MALRD1: variants seen among roughly 807,000 people sequenced by gnomAD.
The protein encoded by MALRD1 is MAM and LDL receptor class A domain containing 1, also known as MAM and LDL-receptor class A domain-containing protein 1.
MALRD1 carries 247 observed loss-of-function variants against 242.1 expected under a neutral mutation model. The ratio of observed to expected loss-of-function variants is 1.02; its 90% CI spans 0.92 to 1.13. MALRD1 has a LOEUF of 1.13. Ranked by LOEUF, MALRD1 falls within the 50% of genes most tolerant of loss-of-function variation. The pLI, the probability that MALRD1 is intolerant of heterozygous loss-of-function variation, is 0.00. For synonymous variants in MALRD1, 995 were observed against 866.6 expected, an observed-to-expected ratio of 1.15 and a Z score of -2.60; for missense variants, 2,989 against 2,533.1, an observed-to-expected ratio of 1.18 and a Z score of -3.86.
chr10:19,137,960 AG>A (rs1480831343), intron 10 of MALRD1, among the ~76,000 whole-genome samples: 5 of 152,194 alleles, frequency 3.3e-5, no homozygotes, highest in Non-Finnish European at 1.5e-5. Context: ...TATTTTAGTG[AG>A]ATATTTTGTT....
At chr10:19,372,782 T>C (rs1038660862) in intron 26 of MALRD1, among the ~76,000 whole-genome samples, 4 of 152,160 alleles carry the variant, frequency 2.6e-5, no homozygotes, top group Non-Finnish European at 5.9e-5. Context: ...TTCAATTTTT[T>C]AAACTCCATT....
chr10:19,498,993 A>G (rs538882103), intron 31 of MALRD1, among the ~76,000 whole-genome samples: 1 of 152,190 alleles, frequency 6.6e-6, no homozygotes, highest in Non-Finnish European at 1.5e-5. Context: ...TGGCAATGCT[A>G]AAAGTTATCC....
intron 21 of MALRD1, among the ~76,000 whole-genome samples, chr10:19,289,086 T>C (rs1371650453): frequency 1.3e-5 from 2 of 152,164 alleles, no homozygotes; most frequent in Non-Finnish European, 2.9e-5. Context: ...TTAATTTTTT[T>C]CCTTGGGCTG....
At chr10:19,078,806 T>C (rs556110847) in intron 2 of MALRD1, among the ~76,000 whole-genome samples, 1 of 151,938 alleles carries the variant, frequency 6.6e-6, no homozygotes, top group African/African-American at 2.4e-5. Context: ...TAGTATGAAA[T>C]TATTCATAGT....
At chr10:19,186,076 G>A (rs977568612) in intron 14 of MALRD1, among the ~76,000 whole-genome samples, 1 of 151,884 alleles carries the variant, frequency 6.6e-6, no homozygotes, top group South Asian at 2.1e-4. Context: ...TGAATACAAG[G>A]AAAAAAAGTC....
rs1030274228 is a variant in MALRD1 at position 19,491,588 on chromosome 10, C to T, written c.5101C>T (p.His1701Tyr). 3.2e-6 allele frequency: 5 copies of T among 1,550,056 alleles called. No individual in the cohort carries two copies. Among genetic ancestry groups the T allele is most frequent in the Non-Finnish European group, 4.4e-6 (5 of 1,146,820 alleles). The change falls in exon 30 of 40, where the codon CAC becomes TAC. Residue 1701 changes from histidine to tyrosine, a missense_variant. His to Tyr is a moderately conservative substitution (Grantham distance 83, BLOSUM62 2). Coordinates refer to ENST00000454679, the MANE Select transcript of MALRD1 (RefSeq NM_001142308.3). Reference protein sequence around the residue: ...LCRDKKCIASHLLCDYKPDCS... With the variant: ...LCRDKKCIASYLLCDYKPDCS... ...CCGGGACAAGAAGTGCATTGCATCC[C>T]ACCTTCTTTGTGACTATAAGCCAGA...
At chr10:19,354,777 A>T (rs966086708) in intron 26 of MALRD1, among the ~76,000 whole-genome samples, 1 of 152,220 alleles carries the variant, frequency 6.6e-6, no homozygotes, top group South Asian at 2.1e-4. Context: ...TAAAAAAATG[A>T]TAAATGTTTG....
chr10:19,096,285 G>A (rs77023505), intron 4 of MALRD1, among the ~76,000 whole-genome samples: 9,498 of 152,234 alleles, frequency 0.062, 382 homozygotes, highest in Non-Finnish European at 0.095. Flanking sequence ...TCCAGAATAT[G>A]TAATATCCAG....
intron 28 of MALRD1, among the ~76,000 whole-genome samples, chr10:19,409,814 T>C (rs1833197635): frequency 6.6e-6 from 1 of 152,200 alleles, no homozygotes; most frequent in African/African-American, 2.4e-5. Context: ...TAGTTTCATT[T>C]AGCTTTTATA....
At chr10:19,136,358 C>G (rs1413700701) in intron 9 of MALRD1, among the ~76,000 whole-genome samples, 2 of 147,678 alleles carry the variant, frequency 1.4e-5, no homozygotes, top group Admixed American at 1.3e-4. Flanking sequence ...TTTTTTAATA[C>G]TTTAAGTTTT....
chr10:19,667,101 C>T (rs1051492647), intron 36 of MALRD1, among the ~76,000 whole-genome samples: 1 of 152,076 alleles, frequency 6.6e-6, no homozygotes, highest in African/African-American at 2.4e-5. Context: ...CCCCAGAAGG[C>T]CCCACCCCCA....
intron 36 of MALRD1, among the ~76,000 whole-genome samples, chr10:19,642,773 A>C (rs1840451414): frequency 6.6e-6 from 1 of 152,156 alleles, no homozygotes; most frequent in Non-Finnish European, 1.5e-5. Flanking sequence ...GAGAGCCTAG[A>C]GGGAAAGAGT....
At chr10:19,661,265 T>C (rs995111592) in intron 36 of MALRD1, among the ~76,000 whole-genome samples, 3 of 152,218 alleles carry the variant, frequency 2.0e-5, no homozygotes, top group East Asian at 1.9e-4. Context: ...TACCATTTGT[T>C]CCAGCCATCC....
Position 19,232,712 on chromosome 10 carries a change from T to C in MALRD1, c.2991+23032T>C, listed in dbSNP as rs561783943. 2.1e-4 allele frequency among the ~76,000 whole-genome samples: 32 copies of C among 152,304 alleles called. 2 individuals carry two copies. The South Asian group carries it at 6.4e-3, about 31-fold the overall frequency. ...CTAAAGAATAGAGAACAATTTCATA[T>C]AATTTTCAGTGTATCAGGCAAATCA... On this transcript the variant is annotated intron_variant, in intron 18 of 39. Transcript: ENST00000454679.
chr10:19,150,418 G>C (rs1833903691), intron 11 of MALRD1, among the ~76,000 whole-genome samples: 1 of 152,096 alleles, frequency 6.6e-6, no homozygotes, highest in African/African-American at 2.4e-5. Flanking sequence ...CAGATTTCGG[G>C]AGCTTGCTGT....
chr10:19,597,355 A>G (rs1009212878), intron 34 of MALRD1, among the ~76,000 whole-genome samples: 2 of 152,344 alleles, frequency 1.3e-5, no homozygotes, highest in African/African-American at 2.4e-5. Flanking sequence ...CTGTGTCCTT[A>G]TAATGCTAAG....
At chr10:19,406,305 AG>A (rs1847105501) in intron 28 of MALRD1, among the ~76,000 whole-genome samples, 1 of 152,228 alleles carries the variant, frequency 6.6e-6, no homozygotes, top group Non-Finnish European at 1.5e-5. Context: ...AGACTGCATT[AG>A]TATCTGTATC....
chr10:19,368,977 C>T (rs1196500747), intron 26 of MALRD1, among the ~76,000 whole-genome samples: 2 of 147,002 alleles, frequency 1.4e-5, no homozygotes, highest in African/African-American at 2.5e-5. Context: ...TATAATGATA[C>T]TTGCATCAAG....
At chr10:19,477,424 T>C (rs1240725096) in intron 29 of MALRD1, among the ~76,000 whole-genome samples, 1 of 152,034 alleles carries the variant, frequency 6.6e-6, no homozygotes, top group East Asian at 1.9e-4. Context: ...TAGCTCTCAG[T>C]TGAGTGACTA....
Sources: gnomAD v4.1 joint callset for allele counts (sites outside exome capture counted in the v4.1 genomes callset) on GRCh38, gnomAD v4.1.1 for gene constraint, MANE v1.5 for transcripts, NCBI Gene and HGNC (gene_info 2026-07-23, HGNC 2026-07-21) for gene names.